Variants in CDH13 observed in about 807,000 individuals in gnomAD.
The protein encoded by CDH13 is cadherin 13.
In CDH13, 24 loss-of-function variants were observed where a neutral mutation model predicts 63.8. The observed-to-expected ratio is 0.38, with a 90% confidence interval of 0.27 to 0.53. The LOEUF (loss-of-function observed/expected upper bound fraction) is 0.53, where lower values mean the gene tolerates loss of function less well. Ranked by LOEUF, CDH13 falls within the 20% of genes least tolerant of loss-of-function variation. The probability of loss-of-function intolerance (pLI) is 0.85; values close to 1 mark genes in which losing one functional copy is unlikely to be tolerated. For missense variants in CDH13, 1,049 were observed against 903.1 expected, an observed-to-expected ratio of 1.16 and a Z score of -2.07; for synonymous variants, 503 against 355.3, an observed-to-expected ratio of 1.42 and a Z score of -4.67.
At chr16:83,681,813 C>T (rs908430437) in intron 10 of CDH13, among the ~76,000 whole-genome samples, 1 of 152,180 alleles carries the variant, frequency 6.6e-6, no homozygotes, top group African/African-American at 2.4e-5. Context: ...ATGGGAGACA[C>T]TTTTCTAATC....
chr16:82,876,562 C>T (rs1026428732), intron 2 of CDH13, among the ~76,000 whole-genome samples: 2 of 152,164 alleles, frequency 1.3e-5, no homozygotes, highest in African/African-American at 4.8e-5. Flanking sequence ...TACTATGTCA[C>T]ATTGCTTTCA....
rs530533938 is a variant in CDH13 at position 83,636,277 on chromosome 16, A to G, written c.1101+33683A>G. Among the ~76,000 whole-genome samples, 5 of 152,256 alleles carry G rather than the reference A, an allele frequency of 3.3e-5. No individual in the cohort carries two copies. In the South Asian group the frequency reaches 1.0e-3, roughly 32 times the overall value. ...GTCCTCTGCTTTATTCTTCTTTTTC[A>G]AAAGTATTTCAGAAAACATTTTTTT... On this transcript the variant is annotated intron_variant, in intron 8 of 13. Transcript: ENST00000567109.
chr16:82,701,271 C>T (rs2030993863), intron 1 of CDH13, among the ~76,000 whole-genome samples: 1 of 152,168 alleles, frequency 6.6e-6, no homozygotes, highest in African/African-American at 2.4e-5. Context: ...GTTCAAGGTC[C>T]TATTTTTCTT....
chr16:82,916,737 G>T (rs1284320601), intron 2 of CDH13, among the ~76,000 whole-genome samples: 2 of 152,062 alleles, frequency 1.3e-5, no homozygotes, highest in Non-Finnish European at 2.9e-5. Flanking sequence ...TTTTATGTTT[G>T]TTAAAATATT....
intron 7 of CDH13, among the ~76,000 whole-genome samples, chr16:83,509,277 G>C (rs536076027): frequency 6.6e-6 from 1 of 152,226 alleles, no homozygotes; most frequent in African/African-American, 2.4e-5. Context: ...GCCATGGCCA[G>C]GGAAGTAACT....
At chr16:83,105,431 G>A (rs1000804996) in intron 3 of CDH13, among the ~76,000 whole-genome samples, 12 of 152,164 alleles carry the variant, frequency 7.9e-5, no homozygotes, top group African/African-American at 2.9e-4. Context: ...AGCCAGCACT[G>A]CCTTCTGCCA....
intron 1 of CDH13, chr16:82,826,368 G>A (rs2038253557): frequency 2.0e-5 from 3 of 152,280 alleles, no homozygotes; most frequent in African/African-American, 7.2e-5. Context: ...AATGAGTAGG[G>A]ATGAGTGCAT....
chr16:83,601,781 A>G (rs1360984978), intron 7 of CDH13, among the ~76,000 whole-genome samples: 2 of 152,134 alleles, frequency 1.3e-5, no homozygotes, highest in Non-Finnish European at 2.9e-5. Flanking sequence ...GAAATAGCAG[A>G]TATGGATGTA....
intron 7 of CDH13, among the ~76,000 whole-genome samples, chr16:83,579,885 C>A (rs1259012563): frequency 2.0e-5 from 3 of 152,044 alleles, no homozygotes; most frequent in Non-Finnish European, 4.4e-5. Context: ...GCAGGCTTCA[C>A]AGGGGAGTAA....
In CDH13 at chr16:83,263,572, AAAAAC is replaced by A. The variant is rs930390779; in HGVS notation, c.636+46091_636+46095del. ...CGCCCACTGAATGGTTTGATATAAA[AAAAAC>A]AAAACAAAACAAAACTTAAAATATG... On this transcript the variant is annotated intron_variant, in intron 5 of 13. Transcript: ENST00000567109. Among the ~76,000 whole-genome samples the A allele has an allele frequency of 1.6e-4, 25 of 152,338 alleles. 1 individual carries two copies. The highest frequency in any genetic ancestry group is 1.4e-3 in the South Asian group (7 of 4,830).
chr16:83,570,972 A>ATATATATATATATAT lies in CDH13; in HGVS notation c.961-31482_961-31481insTATATATATATATAT, dbSNP rs57638289. Among the ~76,000 whole-genome samples the ATATATATATATATAT allele has an allele frequency of 4.8e-3, 525 of 109,212 alleles. 6 individuals carry two copies. The highest frequency in any genetic ancestry group is 7.1e-3 in the East Asian group (25 of 3,518). 71.6% of individuals were successfully genotyped at this position (109,212 alleles called of 152,430 possible). On this transcript the variant is annotated intron_variant, in intron 7 of 13. Transcript: ENST00000567109. ...ATATATATATATATATATATATATA[A>ATATATATATATATAT]AAACCTTCTGGCGCCACCCAAGGGC...
At chr16:82,665,714 A>G (rs1912503091) in intron 1 of CDH13, among the ~76,000 whole-genome samples, 1 of 152,040 alleles carries the variant, frequency 6.6e-6, no homozygotes, top group African/African-American at 2.4e-5. Context: ...GACAGGGACA[A>G]TGTGACAGTA....
Position 83,780,084 on chromosome 16 carries a change from A to G in CDH13, c.1798A>G (p.Ser600Gly), listed in dbSNP as rs563893474. Residue 600 changes from serine to glycine, a missense_variant, in exon 12 of 14, where the codon AGT becomes GGT. Coordinates refer to ENST00000567109, the MANE Select transcript of CDH13 (RefSeq NM_001257.5). ...AGTCTGTGATGATGCCAAAAACCTC[A>G]GTGTAGTCATTTTGGGAGCATCAGA... ...AEVCDDAKNL[S>G]VVILGASDKD... 1 of 1,613,922 alleles carries G rather than the reference A, an allele frequency of 6.2e-7. No homozygotes were observed. The highest frequency in any genetic ancestry group is 8.5e-7 in the Non-Finnish European group (1 of 1,179,848).
rs553175888 is a variant in CDH13 at position 82,959,514 on chromosome 16, C to T, written c.158-72496C>T. Among the ~76,000 whole-genome samples, 50 of 152,254 alleles carry T rather than the reference C, an allele frequency of 3.3e-4. 1 individual carries two copies. Among genetic ancestry groups the T allele is most frequent in the Middle Eastern group, 3.4e-3 (1 of 294 alleles). On this transcript the variant is annotated intron_variant, in intron 2 of 13. Coordinates refer to ENST00000567109, the MANE Select transcript of CDH13 (RefSeq NM_001257.5). ...CCCAGTTTCTAGAGGCTCACAGCCC[C>T]TTCCTTCATTTTCAAAGCCACAAAA...
intron 1 of CDH13, chr16:82,844,839 T>C (rs1332525293): frequency 2.7e-5 from 4 of 150,602 alleles, no homozygotes; most frequent in Non-Finnish European, 4.4e-5. Context: ...GTATCTTTAG[T>C]GGAGATGGAA....
At chr16:83,104,739 G>A (rs1374081417) in intron 3 of CDH13, among the ~76,000 whole-genome samples, 1 of 152,096 alleles carries the variant, frequency 6.6e-6, no homozygotes, top group East Asian at 1.9e-4. Flanking sequence ...TGAACAAAGG[G>A]GGCAATTGAC....
intron 7 of CDH13, among the ~76,000 whole-genome samples, chr16:83,566,080 A>G (rs1904277966): frequency 6.6e-6 from 1 of 152,176 alleles, no homozygotes; most frequent in South Asian, 2.1e-4. Context: ...CTTGACTTGG[A>G]CTATGGAAGT....
At chr16:83,612,113 A>T (rs1018178985) in intron 8 of CDH13, among the ~76,000 whole-genome samples, 6 of 152,090 alleles carry the variant, frequency 3.9e-5, no homozygotes, top group Non-Finnish European at 5.9e-5. Flanking sequence ...GAGTGATATG[A>T]TATCTATAAT....
intron 4 of CDH13, among the ~76,000 whole-genome samples, chr16:83,159,308 A>G (rs983936226): frequency 3.9e-5 from 6 of 152,234 alleles, no homozygotes; most frequent in South Asian, 2.1e-4. Context: ...AATAAAGCCA[A>G]TGAAAGACCA....
Sources: gnomAD v4.1 joint callset for allele counts (sites outside exome capture counted in the v4.1 genomes callset) on GRCh38, gnomAD v4.1.1 for gene constraint, MANE v1.5 for transcripts, NCBI Gene and HGNC (gene_info 2026-07-23, HGNC 2026-07-21) for gene names.